The following PYGO1 variants were observed in gnomAD, a reference collection of about 807,000 sequenced individuals.
The protein encoded by PYGO1 is pygopus family PHD finger 1.
In PYGO1, 6 loss-of-function variants were observed where a neutral mutation model predicts 29.5. The ratio of observed to expected loss-of-function variants is 0.20; its 90% CI spans 0.11 to 0.40. The LOEUF is 0.40. Among genes scored for constraint, PYGO1 ranks in the 10% least tolerant of loss-of-function variants. The probability of loss-of-function intolerance (pLI) is 1.00; values close to 1 mark genes in which losing one functional copy is unlikely to be tolerated. For synonymous variants in PYGO1, 186 were observed against 180.5 expected (o/e 1.03, Z -0.24); for missense variants, 515 against 514.9 (o/e 1.00, Z 0.00).
chr15:55,588,059 C>T lies in PYGO1; in HGVS notation c.-176G>A, dbSNP rs914747365. On this transcript the variant is annotated 5_prime_UTR_variant, in exon 1 of 3. Transcript: ENST00000563719. Reference sequence around the variant, plus strand: ...GACTTTGCAAAGTTTGGGAGGAGGACGAGGCCTCGGGGCGGCGGGGCGGCG... The same window carrying T: ...GACTTTGCAAAGTTTGGGAGGAGGATGAGGCCTCGGGGCGGCGGGGCGGCG... 3.0e-4 allele frequency: 343 copies of T among 1,129,042 alleles called. No homozygotes were observed. Among genetic ancestry groups the T allele is most frequent in the Non-Finnish European group, 3.6e-4 (328 of 922,356 alleles). 69.9% of individuals were successfully genotyped at this position (1,129,042 alleles called of 1,614,324 possible).
chr15:55,539,436 A>C lies in PYGO1; in HGVS notation c.*6587T>G, dbSNP rs79753177. 7.6e-6 allele frequency: 1 copy of C among 131,142 alleles called. No homozygotes were observed. The highest frequency in any genetic ancestry group is 2.4e-4 in the South Asian group (1 of 4,204). 8.1% of individuals were successfully genotyped at this position (131,142 alleles called of 1,614,324 possible). ...GAGAATTGTAACCTGGTCATTAACC[A>C]AAAAAAAAAATAAACAATTTGGGGT... On this transcript the variant is annotated 3_prime_UTR_variant, in exon 3 of 3. Transcript: ENST00000563719.
At position 55,569,051 on chromosome 15, in the gene PYGO1, C is replaced by CT. The variant is rs1019096651; in HGVS notation, c.49+18783dup. On this transcript the variant is annotated intron_variant, in intron 1 of 2. Transcript: ENST00000563719. ...ATCAGGGATACTGGCCTATAGCTTT[C>CT]TTTTTTTTTTCATTGTGTCCTTGCC... is the stretch of plus-strand genomic sequence containing the variant. Among the ~76,000 whole-genome samples, 23 of 147,238 alleles carry CT rather than the reference C, an allele frequency of 1.6e-4. No homozygotes were observed. The South Asian group carries it at 1.7e-3, about 11-fold the overall frequency.
chr15:55,553,539 GCACTTGCCACCACCAC>G (rs1476097293), intron 1 of PYGO1, among the ~76,000 whole-genome samples: 1 of 151,980 alleles, frequency 6.6e-6, no homozygotes, highest in Non-Finnish European at 1.5e-5. Context: ...GGAATTACAG[GCACTTGCCACCACCAC>G]CACTTGCCAC....
chr15:55,579,754 A>G (rs909311910), intron 1 of PYGO1, among the ~76,000 whole-genome samples: 2 of 152,212 alleles, frequency 1.3e-5, no homozygotes, highest in Non-Finnish European at 2.9e-5. Flanking sequence ...TGGACAAAAT[A>G]TACTCTTAAT....
intron 1 of PYGO1, among the ~76,000 whole-genome samples, chr15:55,570,596 A>G (rs537953129): frequency 3.9e-5 from 6 of 151,960 alleles, no homozygotes; most frequent in Admixed American, 3.9e-4. Flanking sequence ...TTCTTGTTAT[A>G]AAATTTTAAA....
intron 1 of PYGO1, among the ~76,000 whole-genome samples, chr15:55,565,816 C>T (rs2141663354): frequency 6.6e-6 from 1 of 152,246 alleles, no homozygotes; most frequent in Middle Eastern, 3.4e-3. Context: ...GACAGTCTCA[C>T]TCTGCCACCA....
intron 1 of PYGO1, among the ~76,000 whole-genome samples, chr15:55,577,614 G>A (rs921367940): frequency 1.3e-5 from 2 of 151,304 alleles, no homozygotes; most frequent in African/African-American, 2.4e-5. Flanking sequence ...CTAGGTTTTT[G>A]TTTTAAGTGT....
At chr15:55,588,488 C>G (rs1416100095), upstream of PYGO1, among the ~76,000 whole-genome samples, 1 of 146,830 alleles carries the variant, frequency 6.8e-6, no homozygotes. Context: ...TGCCTCGTCC[C>G]GCGGCGCCTC....
chr15:55,543,481 G>A lies in PYGO1; in HGVS notation c.*2542C>T, dbSNP rs879182353. 5 of 152,238 alleles carry A rather than the reference G, an allele frequency of 3.3e-5. No individual in the cohort carries two copies. In the South Asian group the frequency reaches 8.3e-4, roughly 25 times the overall value. The allele number at this position is 152,238 out of a possible 1,614,324, so 9.4% of individuals were successfully genotyped here. On this transcript the variant is annotated 3_prime_UTR_variant, in exon 3 of 3. Coordinates refer to ENST00000563719, the MANE Select transcript of PYGO1 (RefSeq NM_001367806.1). ...ATTTACAGATTCTTATTTAAGTAAG[G>A]TGCTTTGAAGACCTAAACACCTGAA...
chr15:55,559,333 G>T (rs534806622), intron 1 of PYGO1, among the ~76,000 whole-genome samples: 10 of 152,104 alleles, frequency 6.6e-5, no homozygotes, highest in African/African-American at 2.4e-4. Flanking sequence ...GGAAACAACA[G>T]GTGCTGGAGA....
chr15:55,551,417 T>C (rs2058878124), intron 1 of PYGO1, among the ~76,000 whole-genome samples: 1 of 152,176 alleles, frequency 6.6e-6, no homozygotes, highest in South Asian at 2.1e-4. Context: ...ACTCATTCTA[T>C]TGGGCCAATA....
intron 1 of PYGO1, among the ~76,000 whole-genome samples, chr15:55,587,613 AAC>A (rs1480801551): frequency 1.3e-5 from 2 of 151,884 alleles, no homozygotes; most frequent in Non-Finnish European, 2.9e-5. Flanking sequence ...ACTGCCTCCG[AAC>A]ACAAAGTCGG....
At position 55,554,468 on chromosome 15, in the gene PYGO1, C is replaced by CAAAAAAAAAAAAAA. The variant is rs56216226; in HGVS notation, c.50-5487_50-5474dup. ...TGGGTGACAGAGCAAGACTCTGTCTCAAAAAAAAAAAAAAAAAAAAAAAAA... is the reference window on the plus strand; with the variant it reads ...TGGGTGACAGAGCAAGACTCTGTCTCAAAAAAAAAAAAAAAAAAAAAAAAAAAAAAAAAAAAAAA... On this transcript the variant is annotated intron_variant, in intron 1 of 2. Transcript: ENST00000563719. 2.0e-3 allele frequency among the ~76,000 whole-genome samples: 250 copies of CAAAAAAAAAAAAAA among 122,840 alleles called. 2 individuals are homozygous for CAAAAAAAAAAAAAA. The highest frequency in any genetic ancestry group is 4.0e-3 in the Middle Eastern group (1 of 252). The allele number at this position is 122,840 out of a possible 152,430, so 80.6% of individuals were successfully genotyped here.
chr15:55,559,741 A>C (rs566014938), intron 1 of PYGO1, among the ~76,000 whole-genome samples: 4 of 152,306 alleles, frequency 2.6e-5, no homozygotes, highest in Admixed American at 1.3e-4. Context: ...ACAAAAAGAG[A>C]AAACTTCAGG....
intron 1 of PYGO1, among the ~76,000 whole-genome samples, chr15:55,585,313 C>G (rs186899044): frequency 7.2e-5 from 11 of 152,236 alleles, no homozygotes; most frequent in Non-Finnish European, 1.3e-4. Context: ...CTGTCTCTAT[C>G]ACATCAGCAG....
In PYGO1 at chr15:55,543,378, T is replaced by G. The variant is rs1486632882; in HGVS notation, c.*2645A>C. The G allele has an allele frequency of 1.3e-5, 2 of 152,164 alleles. No homozygotes were observed. The highest frequency in any genetic ancestry group is 4.8e-5 in the African/African-American group (2 of 41,452). 9.4% of individuals were successfully genotyped at this position (152,164 alleles called of 1,614,324 possible). ...TAGCAGGAAAATTAATTCAAACACA[T>G]GAACGCTATTCATCAGCTATGATTA... is the stretch of plus-strand genomic sequence containing the variant. On this transcript the variant is annotated 3_prime_UTR_variant, in exon 3 of 3. Coordinates refer to ENST00000563719, the MANE Select transcript of PYGO1 (RefSeq NM_001367806.1).
chr15:55,547,830 C>A (rs894809443), intron 2 of PYGO1, among the ~76,000 whole-genome samples: 3 of 152,124 alleles, frequency 2.0e-5, no homozygotes, highest in African/African-American at 7.2e-5. Flanking sequence ...CTTGTTACAA[C>A]CACAAGTTAT....
In PYGO1 at chr15:55,543,541, A is replaced by G. The variant is rs2058836920; in HGVS notation, c.*2482T>C. 6.6e-6 allele frequency: 1 copy of G among 152,252 alleles called. No homozygotes were observed. Among genetic ancestry groups the G allele is most frequent in the African/African-American group, 2.4e-5 (1 of 41,478 alleles). 9.4% of individuals were successfully genotyped at this position (152,252 alleles called of 1,614,324 possible). A position where few individuals can be genotyped will look rare whatever the true frequency, so the allele number is the denominator to read the frequency against. On this transcript the variant is annotated 3_prime_UTR_variant, in exon 3 of 3. Transcript: ENST00000563719. ...ACCTGTTTGTAGGTTTTTAAAAACA[A>G]CTATGTGGAAATAGAAAATGAATTA...
intron 1 of PYGO1, among the ~76,000 whole-genome samples, chr15:55,553,341 A>G (rs1304515488): frequency 6.6e-6 from 1 of 152,048 alleles, no homozygotes; most frequent in East Asian, 1.9e-4. Context: ...GTCTGGACAA[A>G]GAAGGATTCC....
Sources: gnomAD v4.1 joint callset for allele counts (sites outside exome capture counted in the v4.1 genomes callset) on GRCh38, gnomAD v4.1.1 for gene constraint, MANE v1.5 for transcripts, NCBI Gene and HGNC (gene_info 2026-07-23, HGNC 2026-07-21) for gene names.